The following LIN7A variants were observed in gnomAD, a reference collection of about 807,000 sequenced individuals.
LIN7A encodes protein lin-7 homolog A.
LIN7A carries 25 observed loss-of-function variants against 29.8 expected under a neutral mutation model. The ratio of observed to expected loss-of-function variants is 0.84; its 90% CI spans 0.61 to 1.17. The LOEUF is 1.17. Among genes scored for constraint, LIN7A ranks in the 50% most tolerant of loss-of-function variants. The probability of loss-of-function intolerance (pLI) is 0.00; values close to 1 mark genes in which losing one functional copy is unlikely to be tolerated. For missense variants in LIN7A, 239 were observed against 287.0 expected (o/e 0.83, Z 1.21); for synonymous variants, 118 against 107.5 (o/e 1.10, Z -0.60).
rs770743123 is a variant in LIN7A, at chr12:80,889,288, T to A, written c.164A>T (p.Lys55Ile). The A allele has an allele frequency of 1.2e-6, 2 of 1,612,772 alleles. No homozygotes were observed. Among genetic ancestry groups the A allele is most frequent in the South Asian group, 1.1e-5 (1 of 91,028 alleles). ...VPVHKLQSLK[K>I]VLQSEFCTAI... ...TGTACAAAACTCACTCTGAAGCACT[T>A]TTTTGAGGGATTGTAGCTTGTGCAC... The change falls in exon 2 of 6, where the codon AAA becomes ATA. Residue 55 changes from lysine to isoleucine, a missense_variant. By Grantham distance (102) the Lys-to-Ile change is moderately radical. Transcript: ENST00000552864.
intron 5 of LIN7A, among the ~76,000 whole-genome samples, chr12:80,799,926 T>C (rs1870632810): frequency 6.6e-6 from 1 of 152,040 alleles, no homozygotes; most frequent in Non-Finnish European, 1.5e-5. Flanking sequence ...ATGGAAGAAC[T>C]ATGTGAGCCC....
chr12:80,853,204 A>G (rs915061822), intron 2 of LIN7A, among the ~76,000 whole-genome samples: 61 of 152,202 alleles, frequency 4.0e-4, no homozygotes, highest in African/African-American at 1.4e-3. Context: ...ATATAGAACT[A>G]TGCTATCTTT....
intron 5 of LIN7A, among the ~76,000 whole-genome samples, chr12:80,803,009 TA>T (rs1870795139): frequency 6.6e-6 from 1 of 152,250 alleles, no homozygotes; most frequent in African/African-American, 2.4e-5. Flanking sequence ...TTGAGTTGTT[TA>T]AGTTCCATAC....
chr12:80,849,758 C>A (rs1471118612), intron 2 of LIN7A, among the ~76,000 whole-genome samples: 1 of 152,100 alleles, frequency 6.6e-6, no homozygotes, highest in Non-Finnish European at 1.5e-5. Context: ...TCTGCACATG[C>A]CGTTTACTCT....
intron 4 of LIN7A, among the ~76,000 whole-genome samples, chr12:80,839,558 C>G (rs976641198): frequency 6.6e-6 from 1 of 152,166 alleles, no homozygotes; most frequent in African/African-American, 2.4e-5. Context: ...TATTGTGAAA[C>G]TTAAATCTTG....
chr12:80,864,455 AT>A (rs541757923), intron 2 of LIN7A, among the ~76,000 whole-genome samples: 10 of 151,938 alleles, frequency 6.6e-5, no homozygotes, highest in African/African-American at 2.2e-4. Context: ...TTGAAAAATG[AT>A]TTTTTTTATT....
intron 2 of LIN7A, among the ~76,000 whole-genome samples, chr12:80,860,679 G>A (rs1293420481): frequency 6.6e-6 from 1 of 152,196 alleles, no homozygotes; most frequent in Non-Finnish European, 1.5e-5. Context: ...GGAACCCAGA[G>A]CAACTGGATA....
At chr12:80,804,870 T>A (rs1870901686) in intron 5 of LIN7A, among the ~76,000 whole-genome samples, 1 of 152,148 alleles carries the variant, frequency 6.6e-6, no homozygotes, top group Admixed American at 6.6e-5. Flanking sequence ...TCATTCTCTT[T>A]TATTGCTGAA....
intron 2 of LIN7A, among the ~76,000 whole-genome samples, chr12:80,873,796 G>T (rs899659804): frequency 6.6e-6 from 1 of 151,124 alleles, no homozygotes; most frequent in Admixed American, 6.6e-5. Flanking sequence ...TAAGGTAAAT[G>T]GTATCTTATA....
chr12:80,863,117 C>T (rs944277333), intron 2 of LIN7A, among the ~76,000 whole-genome samples: 1 of 152,206 alleles, frequency 6.6e-6, no homozygotes, highest in Non-Finnish European at 1.5e-5. Flanking sequence ...CTAAGATGGG[C>T]TTTAGCTCTC....
Position 80,937,621 on chromosome 12 carries a change from C to T in LIN7A, c.82+20G>A. ...GGGGAGAGGGGACGCGGTGGCCTGG[C>T]GAGCGAGCCGCTCCCTTACCTCTGT... is the stretch of plus-strand genomic sequence containing the variant. On this transcript the variant is annotated intron_variant, in intron 1 of 5. Transcript: ENST00000552864. The T allele has an allele frequency of 1.4e-6, 2 of 1,456,024 alleles. No individual in the cohort carries two copies. Among genetic ancestry groups the T allele is most frequent in the Non-Finnish European group, 1.8e-6 (2 of 1,092,524 alleles). The allele number at this position is 1,456,024 out of a possible 1,614,324, so 90.2% of individuals were successfully genotyped here.
chr12:80,904,012 T>G (rs2120752016), intron 1 of LIN7A, among the ~76,000 whole-genome samples: 1 of 152,272 alleles, frequency 6.6e-6, no homozygotes, highest in East Asian at 1.9e-4. Context: ...TATTTTTCTG[T>G]GTTTATAACA....
At chr12:80,857,797 A>T (rs998500749) in intron 2 of LIN7A, among the ~76,000 whole-genome samples, 1 of 152,198 alleles carries the variant, frequency 6.6e-6, no homozygotes, top group Non-Finnish European at 1.5e-5. Context: ...TAAATATCTA[A>T]CCATCTGCCT....
chr12:80,909,943 G>T (rs192510370), intron 1 of LIN7A, among the ~76,000 whole-genome samples: 1 of 151,426 alleles, frequency 6.6e-6, no homozygotes, highest in East Asian at 1.9e-4. Flanking sequence ...GAAAGTAGTT[G>T]CAGTTTTTGC....
intron 2 of LIN7A, among the ~76,000 whole-genome samples, chr12:80,857,018 C>A (rs1029147032): frequency 1.3e-5 from 2 of 152,158 alleles, no homozygotes; most frequent in African/African-American, 4.8e-5. Flanking sequence ...TGTGGTTGAT[C>A]AGCATGCAGG....
At chr12:80,919,763 G>T (rs1172020715) in intron 1 of LIN7A, among the ~76,000 whole-genome samples, 1 of 152,164 alleles carries the variant, frequency 6.6e-6, no homozygotes, top group East Asian at 1.9e-4. Context: ...TAGACAGAAG[G>T]CTGAATTTAG....
intron 4 of LIN7A, among the ~76,000 whole-genome samples, chr12:80,829,915 T>C (rs531706236): frequency 1.2e-4 from 19 of 152,208 alleles, no homozygotes; most frequent in Non-Finnish European, 2.5e-4. Context: ...TAAACCACTC[T>C]TCACATTGCA....
intron 1 of LIN7A, among the ~76,000 whole-genome samples, chr12:80,907,359 A>G (rs764853846): frequency 6.6e-6 from 1 of 152,170 alleles, no homozygotes; most frequent in African/African-American, 2.4e-5. Context: ...CAATAAGGAC[A>G]TATGTGCTTA....
At chr12:80,851,416 G>C (rs1312263092) in intron 2 of LIN7A, among the ~76,000 whole-genome samples, 2 of 151,216 alleles carry the variant, frequency 1.3e-5, no homozygotes, top group African/African-American at 4.9e-5. Context: ...TCAAAAGTGA[G>C]CTGAAGAGGA....
Sources: allele counts gnomAD v4.1 joint callset (sites outside exome capture counted in the v4.1 genomes callset), GRCh38; gene constraint gnomAD v4.1.1; transcripts MANE v1.5; gene names NCBI Gene and HGNC (gene_info 2026-07-23, HGNC 2026-07-21).